The following DENND4A variants were observed in gnomAD, a reference collection of about 807,000 sequenced individuals.
DENND4A encodes the protein C-myc promoter-binding protein.
In DENND4A, 70 loss-of-function variants were observed where a neutral mutation model predicts 199.3. The ratio of observed to expected loss-of-function variants is 0.35; its 90% CI spans 0.29 to 0.43. The LOEUF (loss-of-function observed/expected upper bound fraction) is 0.43, where lower values mean the gene tolerates loss of function less well. Among genes scored for constraint, DENND4A ranks in the 20% least tolerant of loss-of-function variants. The pLI is 1.00. For synonymous variants in DENND4A, 686 were observed against 766.9 expected (o/e 0.89, Z 1.74); for missense variants, 1,723 against 2,255.8 (o/e 0.76, Z 4.78).
At chr15:65,687,828 A>C (rs970442328) in intron 23 of DENND4A, among the ~76,000 whole-genome samples, 1 of 152,132 alleles carries the variant, frequency 6.6e-6, no homozygotes, top group Admixed American at 6.5e-5. Flanking sequence ...TAGCAGGTGA[A>C]TATCTCTGAT....
rs185239544 is a variant in DENND4A, at chr15:65,733,430, T to A, written c.1041-612A>T. 5.2e-3 allele frequency among the ~76,000 whole-genome samples: 793 copies of A among 152,300 alleles called. 2 individuals carry two copies. The highest frequency in any genetic ancestry group is 0.012 in the African/African-American group (514 of 41,590). ...AAGCTATTTTATTTCTGAATTTTTT[T>A]AAAAATTTTTGTTCCAGTCTGAATA... On this transcript the variant is annotated intron_variant, in intron 7 of 32. Transcript: ENST00000443035.
rs61751113 is a variant in DENND4A, at chr15:65,665,379, C to T, written c.5325G>A (p.Pro1775=). The change falls in exon 30 of 33, where the codon CCG becomes CCA. Residue 1775 remains proline, a synonymous_variant. Coordinates refer to ENST00000443035, the MANE Select transcript of DENND4A (RefSeq NM_001320835.1). ...TCCAGAGAATGTACAAGGGCTGTCC[C>T]GGATCCTGATGTAACTTCATATTGT... The part of the protein sequence containing the change: ...LWDNMKLHQD[P]GQPLYILWNA... 183 of 1,613,642 alleles carry T rather than the reference C, an allele frequency of 1.1e-4. 1 individual carries two copies. The highest frequency in any genetic ancestry group is 9.3e-4 in the African/African-American group (70 of 75,020).
chr15:65,685,437 T>C (rs1178511768), intron 23 of DENND4A, among the ~76,000 whole-genome samples: 3 of 152,208 alleles, frequency 2.0e-5, no homozygotes, highest in Non-Finnish European at 4.4e-5. Flanking sequence ...ATTTTTATAG[T>C]GTTAGCTCTT....
chr15:65,668,202 C>A, intron 27 of DENND4A, 79 bp from the exon 28 acceptor site: 2 of 1,028,876 alleles, frequency 1.9e-6, no homozygotes, highest in East Asian at 2.8e-5. Context: ...TGTTCTCTCT[C>A]TCTCTCTCTT....
At chr15:65,709,287 T>C (rs1475933920) in intron 14 of DENND4A, among the ~76,000 whole-genome samples, 1 of 152,224 alleles carries the variant, frequency 6.6e-6, no homozygotes, top group Non-Finnish European at 1.5e-5. Flanking sequence ...AGTCACTTAC[T>C]ATGGTATCAA....
At chr15:65,707,811 A>G (rs1405102638) in intron 14 of DENND4A, among the ~76,000 whole-genome samples, 1 of 151,676 alleles carries the variant, frequency 6.6e-6, no homozygotes, top group Non-Finnish European at 1.5e-5. Context: ...AAAGCCTCCC[A>G]AGTAGCTGGG....
chr15:65,690,274 G>T, intron 23 of DENND4A, 141 bp downstream of exon 23: 1 of 802,492 alleles, frequency 1.2e-6, no homozygotes, highest in Non-Finnish European at 1.7e-6. Context: ...TTCCAATTCT[G>T]ATACTTACAA....
At chr15:65,682,902 A>G (rs543926872) in intron 23 of DENND4A, among the ~76,000 whole-genome samples, 1 of 152,318 alleles carries the variant, frequency 6.6e-6, no homozygotes, top group Admixed American at 6.5e-5. Context: ...CAGAAATTAC[A>G]CAACATTTAT....
chr15:65,772,061 G>C (rs2077145637), intron 1 of DENND4A: 2 of 1,275,236 alleles, frequency 1.6e-6, no homozygotes, highest in Non-Finnish European at 2.3e-6. Flanking sequence ...GGAAACGCTG[G>C]GCCTTCTCGC....
intron 1 of DENND4A, among the ~76,000 whole-genome samples, chr15:65,774,669 C>CA (rs2077229555): frequency 6.6e-6 from 1 of 150,548 alleles, no homozygotes; most frequent in Non-Finnish European, 1.5e-5. Flanking sequence ...GACCCTGTCT[C>CA]AAAAAAATAA....
intron 7 of DENND4A, among the ~76,000 whole-genome samples, chr15:65,736,389 A>T (rs923865291): frequency 2.0e-5 from 3 of 151,818 alleles, no homozygotes; most frequent in Non-Finnish European, 4.4e-5. Context: ...CCTCCAGAGT[A>T]GATGAGATTA....
chr15:65,734,021 T>C (rs2076038115), intron 7 of DENND4A, among the ~76,000 whole-genome samples: 3 of 152,154 alleles, frequency 2.0e-5, no homozygotes, highest in Admixed American at 2.0e-4. Flanking sequence ...TAGTCTGAAA[T>C]ATGGCCTCGT....
rs1418801604 is a variant in DENND4A, at chr15:65,756,121, C to T, written c.311+19G>A. ...ATTATTTGGATCAATAACAGTAAGTCGTTTAAAAAAATACTTACCCCAGAT... is the reference window on the plus strand; with the variant it reads ...ATTATTTGGATCAATAACAGTAAGTTGTTTAAAAAAATACTTACCCCAGAT... On this transcript the variant is annotated intron_variant, in intron 3 of 32. Coordinates refer to ENST00000443035, the MANE Select transcript of DENND4A (RefSeq NM_001320835.1). 7 of 1,566,330 alleles carry T rather than the reference C, an allele frequency of 4.5e-6. No individual in the cohort carries two copies. Among genetic ancestry groups the T allele is most frequent in the African/African-American group, 2.7e-5 (2 of 73,368 alleles).
At chr15:65,669,178 G>A (rs1488284701) in intron 27 of DENND4A, among the ~76,000 whole-genome samples, 2 of 152,174 alleles carry the variant, frequency 1.3e-5, no homozygotes, top group Non-Finnish European at 2.9e-5. Flanking sequence ...CACAGGTCAC[G>A]TTAGCCTGCC....
At chr15:65,771,859 A>C in intron 1 of DENND4A, 1 of 1,612,188 alleles carries the variant, frequency 6.2e-7, no homozygotes, top group African/African-American at 1.3e-5. Context: ...AGCATTCCCA[A>C]CCTTTTTAAA....
At chr15:65,784,603 T>C (rs2077518264) in intron 1 of DENND4A, among the ~76,000 whole-genome samples, 2 of 152,226 alleles carry the variant, frequency 1.3e-5, no homozygotes, top group African/African-American at 4.8e-5. Context: ...AATCTGATTT[T>C]AGTCCTTTAA....
intron 1 of DENND4A, among the ~76,000 whole-genome samples, chr15:65,772,907 A>G (rs1419942834): frequency 6.7e-6 from 1 of 150,120 alleles, no homozygotes; most frequent in Non-Finnish European, 1.5e-5. Flanking sequence ...TGCCACCCAA[A>G]AGTGGACCCT....
chr15:65,782,049 GC>G (rs2077448780), intron 1 of DENND4A, among the ~76,000 whole-genome samples: 1 of 152,100 alleles, frequency 6.6e-6, no homozygotes, highest in Non-Finnish European at 1.5e-5. Context: ...GGATTTTAGG[GC>G]CCCACAAGGG....
rs190734491 is a variant in DENND4A at position 65,791,139 on chromosome 15, G to C, written c.-102+871C>G. Among the ~76,000 whole-genome samples the C allele has an allele frequency of 3.0e-3, 453 of 152,228 alleles. 2 individuals are homozygous for C. The highest frequency in any genetic ancestry group is 6.8e-3 in the Middle Eastern group (2 of 294). On this transcript the variant is annotated intron_variant, in intron 1 of 32. Coordinates refer to ENST00000443035, the MANE Select transcript of DENND4A (RefSeq NM_001320835.1). ...TCACGGGTCTCTAGCTGGCTGACAC[G>C]CGTTTTCTCCTCAAATAAATACATG...
Sources: allele counts gnomAD v4.1 joint callset (sites outside exome capture counted in the v4.1 genomes callset), GRCh38; gene constraint gnomAD v4.1.1; transcripts MANE v1.5; gene names NCBI Gene and HGNC (gene_info 2026-07-23, HGNC 2026-07-21).